GNAL: variants seen among roughly 807,000 people sequenced by gnomAD.
GNAL encodes the protein guanine nucleotide-binding protein G(olf) subunit alpha.
In GNAL, 18 loss-of-function variants were observed where a neutral mutation model predicts 55.1. The ratio of observed to expected loss-of-function variants is 0.33; its 90% CI spans 0.23 to 0.48. GNAL has a LOEUF of 0.48. Among genes scored for constraint, GNAL ranks in the 20% least tolerant of loss-of-function variants. GNAL has a pLI of 0.99. For synonymous variants in GNAL, 253 were observed against 237.0 expected, an observed-to-expected ratio of 1.07 and a Z score of -0.62; for missense variants, 412 against 614.1, an observed-to-expected ratio of 0.67 and a Z score of 3.48.
At chr18:11,855,175 A>G (rs113950863) in intron 5 of GNAL, among the ~76,000 whole-genome samples, 3,283 of 152,196 alleles carry the variant, frequency 0.022, 123 homozygotes, top group African/African-American at 0.074. Flanking sequence ...CTGACCCTCA[A>G]GTGATCCGCC....
intron 10 of GNAL, chr18:11,874,533 T>G (rs2036480302): frequency 1.4e-5 from 2 of 143,470 alleles, no homozygotes; most frequent in Non-Finnish European, 3.0e-5. Flanking sequence ...AGGCGGAGGT[T>G]GCAGTGAGCC....
In GNAL at chr18:11,768,971, ATATATAT is replaced by A. The variant is rs1162846506; in HGVS notation, c.624+15035_624+15041del. 3.0e-4 allele frequency among the ~76,000 whole-genome samples: 31 copies of A among 105,002 alleles called. 1 individual carries two copies. Among genetic ancestry groups the A allele is most frequent in the South Asian group, 4.7e-4 (2 of 4,242 alleles). The allele number at this position is 105,002 out of a possible 152,430, so 68.9% of individuals were successfully genotyped here. A position where few individuals can be genotyped will look rare whatever the true frequency, so the allele number is the denominator to read the frequency against. Reference sequence around the variant, plus strand: ...TACTATATGTTATATATAATATATTATATATATTATATATTCTATATTATAATATAGA... The same window carrying A: ...TACTATATGTTATATATAATATATTATATATATTCTATATTATAATATAGA... On this transcript the variant is annotated intron_variant, in intron 4 of 11. Coordinates refer to ENST00000334049, the MANE Select transcript of GNAL (RefSeq NM_182978.4).
chr18:11,689,294 G>C lies in GNAL; in HGVS notation c.-270G>C, dbSNP rs2031158555. 1 of 297,142 alleles carries C rather than the reference G, an allele frequency of 3.4e-6. No homozygotes were observed. The highest frequency in any genetic ancestry group is 2.2e-5 in the African/African-American group (1 of 45,602). 18.4% of individuals were successfully genotyped at this position (297,142 alleles called of 1,614,324 possible). On this transcript the variant is annotated 5_prime_UTR_variant, in exon 1 of 12. Coordinates refer to ENST00000334049, the MANE Select transcript of GNAL (RefSeq NM_182978.4). Reference sequence around the variant, plus strand: ...TTCGGTCCGCTCTGGGCGTTAGCAAGTGATCTCCAGCCAAGGCGGCCGCCA... The same window carrying C: ...TTCGGTCCGCTCTGGGCGTTAGCAACTGATCTCCAGCCAAGGCGGCCGCCA...
intron 4 of GNAL, among the ~76,000 whole-genome samples, chr18:11,796,584 A>AAC (rs1555651457): frequency 1.4e-5 from 2 of 147,824 alleles, no homozygotes; most frequent in African/African-American, 5.2e-5. Context: ...ACAAAAAAAA[A>AAC]AAAAAAAAAA....
At chr18:11,708,088 T>G (rs1488535170) in intron 1 of GNAL, among the ~76,000 whole-genome samples, 1 of 152,256 alleles carries the variant, frequency 6.6e-6, no homozygotes, top group East Asian at 1.9e-4. Flanking sequence ...GTGTGTTCAC[T>G]GGAGTAGCAC....
At chr18:11,862,529 A>G (rs2036170231) in intron 6 of GNAL, 80 bp downstream of exon 6, 1 of 1,212,448 alleles carries the variant, frequency 8.2e-7, no homozygotes, top group Non-Finnish European at 1.2e-6. Flanking sequence ...TTATTTCAGA[A>G]TGAATTAAGG....
At chr18:11,834,186 A>G (rs1344035019) in intron 5 of GNAL, among the ~76,000 whole-genome samples, 4 of 152,324 alleles carry the variant, frequency 2.6e-5, no homozygotes, top group Non-Finnish European at 4.4e-5. Context: ...AAAGATCTCT[A>G]TGGCTATATT....
At chr18:11,741,264 C>T (rs1272564311) in intron 1 of GNAL, among the ~76,000 whole-genome samples, 1 of 152,098 alleles carries the variant, frequency 6.6e-6, no homozygotes, top group African/African-American at 2.4e-5. Flanking sequence ...CTTTGGAATC[C>T]AACAGAACAG....
At chr18:11,734,812 A>G (rs2032425059) in intron 1 of GNAL, among the ~76,000 whole-genome samples, 1 of 150,736 alleles carries the variant, frequency 6.6e-6, no homozygotes, top group Non-Finnish European at 1.5e-5. Context: ...GAAACTTGGC[A>G]TTCTCAGAGA....
intron 5 of GNAL, among the ~76,000 whole-genome samples, chr18:11,837,027 C>G (rs1411468341): frequency 6.6e-6 from 1 of 152,204 alleles, no homozygotes; most frequent in Admixed American, 6.5e-5. Context: ...AGTTTTGGCT[C>G]ACTGAAACCT....
chr18:11,879,991 G>C (rs942690985), intron 11 of GNAL, among the ~76,000 whole-genome samples: 1 of 152,242 alleles, frequency 6.6e-6, no homozygotes, highest in African/African-American at 2.4e-5. Flanking sequence ...GGGCGCGGTG[G>C]CTCACGCCTG....
intron 2 of GNAL, 41 bp from the exon 3 acceptor site, chr18:11,753,587 T>G (rs2032935367): frequency 4.1e-6 from 5 of 1,221,340 alleles, no homozygotes; most frequent in Non-Finnish European, 6.1e-6. Context: ...GAATCAGTGC[T>G]AAGAGTAAAT....
intron 5 of GNAL, among the ~76,000 whole-genome samples, chr18:11,843,006 T>G (rs1376586252): frequency 6.6e-6 from 1 of 152,212 alleles, no homozygotes; most frequent in Admixed American, 6.5e-5. Context: ...GTGATAAGTA[T>G]TCTGCTTTGT....
At position 11,844,860 on chromosome 18, in the gene GNAL, A is replaced by ACTTAT. The variant is rs559410555; in HGVS notation, c.723-17535_723-17534insCTTAT. 2.1e-3 allele frequency among the ~76,000 whole-genome samples: 321 copies of ACTTAT among 151,742 alleles called. 2 individuals carry two copies. The highest frequency in any genetic ancestry group is 7.5e-3 in the African/African-American group (311 of 41,402). ...TTATTTTTTATTTATTTATTTTTTG[A>ACTTAT]TTTATTTTATTTTATTTTATTTGAG... On this transcript the variant is annotated intron_variant, in intron 5 of 11. Coordinates refer to ENST00000334049, the MANE Select transcript of GNAL (RefSeq NM_182978.4).
chr18:11,841,089 G>C (rs943393442), intron 5 of GNAL, among the ~76,000 whole-genome samples: 1 of 151,802 alleles, frequency 6.6e-6, no homozygotes, highest in Admixed American at 6.6e-5. Flanking sequence ...GCCCAGGCTG[G>C]TCTTGAACTC....
rs1182392219 is a variant in GNAL, at chr18:11,751,063, T to G, written c.377-1790T>G. ...AGTGAAGAAGACCGTGTAGGTTTCT[T>G]GGAAGGTGGAGGCACTCGACGACAG... On this transcript the variant is annotated intron_variant, in intron 1 of 11. Transcript: ENST00000334049. This position sits in a 1 kb window ranked among gnomAD's most constrained non-coding sequence, Gnocchi z 4.5. 6.6e-6 allele frequency among the ~76,000 whole-genome samples: 1 copy of G among 151,938 alleles called. No individual in the cohort carries two copies. Among genetic ancestry groups the G allele is most frequent in the African/African-American group, 2.4e-5 (1 of 41,348 alleles).
chr18:11,724,752 A>G (rs904522195), intron 1 of GNAL, among the ~76,000 whole-genome samples: 1 of 152,012 alleles, frequency 6.6e-6, no homozygotes, highest in African/African-American at 2.4e-5. Flanking sequence ...TATAGTGTCA[A>G]CCCCCAGCAC....
chr18:11,833,751 A>G (rs1488497462), intron 5 of GNAL: 3 of 152,248 alleles, frequency 2.0e-5, no homozygotes. Flanking sequence ...ATCTCCAATC[A>G]TGGCGTGAAA....
At position 11,884,699 on chromosome 18, in the gene GNAL, A is replaced by G; in HGVS notation, c.*3564A>G. 1 of 1,503,736 alleles carries G rather than the reference A, an allele frequency of 6.7e-7. No homozygotes were observed. Among genetic ancestry groups the G allele is most frequent in the Non-Finnish European group, 9.1e-7 (1 of 1,093,352 alleles). The allele number at this position is 1,503,736 out of a possible 1,614,324, so 93.1% of individuals were successfully genotyped here. ...TGAACACCGCAGTCTTAGAAACAGC[A>G]GAGGGAAGACTGCCTTCTCAGGTCC... On this transcript the variant is annotated 3_prime_UTR_variant, in exon 12 of 12. Coordinates refer to ENST00000334049, the MANE Select transcript of GNAL (RefSeq NM_182978.4).
Sources: allele counts gnomAD v4.1 joint callset (sites outside exome capture counted in the v4.1 genomes callset), GRCh38; gene constraint gnomAD v4.1.1; non-coding constraint Gnocchi (gnomAD v3.1); transcripts MANE v1.5; gene names NCBI Gene and HGNC (gene_info 2026-07-23, HGNC 2026-07-21).